Variants in ADAMTS3 observed in about 807,000 individuals in gnomAD.
ADAMTS3 encodes ADAM metallopeptidase with thrombospondin type 1 motif 3.
ADAMTS3 carries 73 observed loss-of-function variants against 129.0 expected under a neutral mutation model. That is an observed-to-expected ratio of 0.57 (90% CI 0.47 to 0.69). The LOEUF (loss-of-function observed/expected upper bound fraction) is 0.69. Among genes scored for constraint, ADAMTS3 ranks in the 30% least tolerant of loss-of-function variants. ADAMTS3 has a pLI of 0.00. For synonymous variants in ADAMTS3, 477 were observed against 510.8 expected, an observed-to-expected ratio of 0.93 and a Z score of 0.89; for missense variants, 1,457 against 1,514.5, an observed-to-expected ratio of 0.96 and a Z score of 0.63.
chr4:72,298,350 G>T lies in ADAMTS3; in HGVS notation c.2517C>A (p.Val839=). 1 of 1,613,218 alleles carries T rather than the reference G, an allele frequency of 6.2e-7. No homozygotes were observed. ...CAAAAGTATCTAATTCTTCCTGGAT[G>T]ACATTGTTGCTGTTGATTGTAGGTA... The part of the protein sequence containing the change: ...DSVPTINSNN[V]IQEELDTFEW... The change falls in exon 18 of 22, where the codon GTC becomes GTA. Residue 839 remains valine (V), a synonymous_variant. Coordinates refer to ENST00000286657, the MANE Select transcript of ADAMTS3 (RefSeq NM_014243.3).
At chr4:72,526,741 T>C (rs981039889) in intron 3 of ADAMTS3, among the ~76,000 whole-genome samples, 159 of 14,928 alleles carry the variant, frequency 0.011, no homozygotes, top group African/African-American at 0.014. Flanking sequence ...TACATATATA[T>C]ATATATATAT....
At chr4:72,367,567 T>C (rs1720898804) in intron 4 of ADAMTS3, among the ~76,000 whole-genome samples, 1 of 152,146 alleles carries the variant, frequency 6.6e-6, no homozygotes, top group Non-Finnish European at 1.5e-5. Context: ...GCATGATGAA[T>C]TTAAAATATA....
At chr4:72,452,389 G>C (rs143244385) in intron 3 of ADAMTS3, among the ~76,000 whole-genome samples, 1 of 151,522 alleles carries the variant, frequency 6.6e-6, no homozygotes, top group South Asian at 2.1e-4. Context: ...TCATAAAACA[G>C]ATCTTTTTCT....
intron 18 of ADAMTS3, among the ~76,000 whole-genome samples, chr4:72,296,612 T>G (rs1188217823): frequency 6.6e-6 from 1 of 152,100 alleles, no homozygotes; most frequent in African/African-American, 2.4e-5. Flanking sequence ...ATACATATAA[T>G]TTTGCTGAAC....
intron 3 of ADAMTS3, among the ~76,000 whole-genome samples, chr4:72,424,163 C>T (rs186674357): frequency 1.3e-5 from 2 of 152,162 alleles, no homozygotes; most frequent in East Asian, 3.9e-4. Context: ...TCAATAATAA[C>T]CCTTCCAGAT....
At chr4:72,560,631 A>C (rs1721879751) in intron 2 of ADAMTS3, among the ~76,000 whole-genome samples, 1 of 152,292 alleles carries the variant, frequency 6.6e-6, no homozygotes, top group East Asian at 1.9e-4. Context: ...TGGGAGCTGA[A>C]CAATGAGAAC....
intron 9 of ADAMTS3, among the ~76,000 whole-genome samples, chr4:72,318,939 A>T (rs1560470575): frequency 6.6e-6 from 1 of 152,158 alleles, no homozygotes; most frequent in Non-Finnish European, 1.5e-5. Context: ...TAGTAGAGCC[A>T]CGATTATTTG....
intron 5 of ADAMTS3, among the ~76,000 whole-genome samples, chr4:72,335,107 G>A (rs1252254910): frequency 6.6e-6 from 1 of 152,084 alleles, no homozygotes; most frequent in Non-Finnish European, 1.5e-5. Context: ...AATAGATTAT[G>A]GAGAATTAAG....
intron 3 of ADAMTS3, among the ~76,000 whole-genome samples, chr4:72,440,347 C>G (rs1054898495): frequency 4.0e-5 from 6 of 151,802 alleles, no homozygotes; most frequent in Admixed American, 3.9e-4. Flanking sequence ...CACATCCACA[C>G]ATGAATATCC....
At chr4:72,488,709 C>T (rs1560535576) in intron 3 of ADAMTS3, among the ~76,000 whole-genome samples, 1 of 151,896 alleles carries the variant, frequency 6.6e-6, no homozygotes, top group Non-Finnish European at 1.5e-5. Flanking sequence ...ATTTGATAGA[C>T]ATATATATTT....
At chr4:72,439,145 T>G (rs1250701022) in intron 3 of ADAMTS3, among the ~76,000 whole-genome samples, 1 of 151,776 alleles carries the variant, frequency 6.6e-6, no homozygotes, top group East Asian at 1.9e-4. Flanking sequence ...AACTGAGGAT[T>G]GAACTAATGT....
At chr4:72,369,791 T>G (rs549198386) in intron 4 of ADAMTS3, among the ~76,000 whole-genome samples, 1 of 148,120 alleles carries the variant, frequency 6.8e-6, no homozygotes, top group South Asian at 2.1e-4. Flanking sequence ...GTTAGAGAAC[T>G]GCTAAGATAA....
chr4:72,563,215 T>C (rs551348713), intron 2 of ADAMTS3, among the ~76,000 whole-genome samples: 1 of 152,318 alleles, frequency 6.6e-6, no homozygotes, highest in South Asian at 2.1e-4. Flanking sequence ...CTGCACTTAA[T>C]AAAATTTTCA....
At chr4:72,452,809 C>G (rs1718441512) in intron 3 of ADAMTS3, among the ~76,000 whole-genome samples, 1 of 151,760 alleles carries the variant, frequency 6.6e-6, no homozygotes, top group South Asian at 2.1e-4. Context: ...CAACCTAAAA[C>G]CACTATCTTG....
chr4:72,348,327 C>A (rs1191361867), intron 4 of ADAMTS3, among the ~76,000 whole-genome samples: 1 of 151,986 alleles, frequency 6.6e-6, no homozygotes, highest in Non-Finnish European at 1.5e-5. Flanking sequence ...AGCAAATGGG[C>A]TGAGATCTTG....
chr4:72,392,890 TA>T (rs1388411631), intron 4 of ADAMTS3, among the ~76,000 whole-genome samples: 1 of 150,872 alleles, frequency 6.6e-6, no homozygotes, highest in Non-Finnish European at 1.5e-5. Flanking sequence ...AGAGTATGAG[TA>T]AAAAAAATTC....
At chr4:72,293,465 G>A (rs1430777260) in intron 19 of ADAMTS3, among the ~76,000 whole-genome samples, 2 of 152,124 alleles carry the variant, frequency 1.3e-5, no homozygotes, top group Non-Finnish European at 2.9e-5. Context: ...AAATCCATCT[G>A]TGAAATGGTG....
chr4:72,467,246 C>T (rs867078496), intron 3 of ADAMTS3, among the ~76,000 whole-genome samples: 1 of 151,984 alleles, frequency 6.6e-6, no homozygotes, highest in South Asian at 2.1e-4. Context: ...TGATTTCATT[C>T]CTTCTGTTAA....
intron 4 of ADAMTS3, among the ~76,000 whole-genome samples, chr4:72,344,370 A>G (rs1449120367): frequency 6.6e-6 from 1 of 152,180 alleles, no homozygotes; most frequent in Admixed American, 6.6e-5. Flanking sequence ...CAGGAGACGA[A>G]GGTAAAATTG....
Sources: gnomAD v4.1 joint callset for allele counts (sites outside exome capture counted in the v4.1 genomes callset) on GRCh38, gnomAD v4.1.1 for gene constraint, MANE v1.5 for transcripts, NCBI Gene and HGNC (gene_info 2026-07-23, HGNC 2026-07-21) for gene names.